The following DNAH5 variants were observed in gnomAD, a reference collection of about 807,000 sequenced individuals.
DNAH5 encodes axonemal beta dynein heavy chain 5.
Under a neutral mutation model 518.2 loss-of-function variants are expected in DNAH5, and 372 were observed. That is an observed-to-expected ratio of 0.72 (90% CI 0.66 to 0.78). The LOEUF (loss-of-function observed/expected upper bound fraction) is 0.78. DNAH5 is among the 30% of genes least tolerant of loss of function. DNAH5 has a pLI of 0.00. For synonymous variants in DNAH5, 2,039 were observed against 2,025.9 expected, an observed-to-expected ratio of 1.01 and a Z score of -0.17; for missense variants, 5,523 against 5,687.0, an observed-to-expected ratio of 0.97 and a Z score of 0.93.
At chr5:13,728,649 A>C (rs1746092167) in intron 69 of DNAH5, among the ~76,000 whole-genome samples, 1 of 152,192 alleles carries the variant, frequency 6.6e-6, no homozygotes, top group African/African-American at 2.4e-5. Flanking sequence ...ACCAGTGATA[A>C]GCCAAAACAT....
At chr5:13,822,619 A>G (rs1381887579) in intron 40 of DNAH5, among the ~76,000 whole-genome samples, 1 of 152,204 alleles carries the variant, frequency 6.6e-6, no homozygotes, top group African/African-American at 2.4e-5. Context: ...GCTAATCACC[A>G]CTTCTATAAA....
Position 13,829,578 on chromosome 5 carries a change from C to T in DNAH5, c.6376G>A (p.Asp2126Asn). The T allele has an allele frequency of 6.2e-7, 1 of 1,614,150 alleles. No homozygotes were observed. Among genetic ancestry groups the T allele is most frequent in the South Asian group, 1.1e-5 (1 of 91,072 alleles). ...AACTTCCTGGCCAAAACAACGTTGTCAATGAAGCCACAACTAGCCAACTTC... is the reference window on the plus strand; with the variant it reads ...AACTTCCTGGCCAAAACAACGTTGTTAATGAAGCCACAACTAGCCAACTTC... Reference protein sequence around the residue: ...RVKLASCGFIDNVVLARKFFT... With the variant: ...RVKLASCGFINNVVLARKFFT... Residue 2126 changes from aspartate to asparagine, a missense_variant, in exon 38 of 79, where the codon GAC (aspartate) becomes AAC (asparagine). By Grantham distance (23) the Asp-to-Asn change is conservative. Coordinates refer to ENST00000265104, the MANE Select transcript of DNAH5 (RefSeq NM_001369.3).
In DNAH5 at chr5:13,794,174, A is replaced by G; in HGVS notation, c.7888-116T>C. ...TGAACTGATATGAATTATTTCTAAA[A>G]AGCCAAATTTCCCCCTTAATTCTAA... On this transcript the variant is annotated intron_variant, in intron 47 of 78. Coordinates refer to ENST00000265104, the MANE Select transcript of DNAH5 (RefSeq NM_001369.3). The G allele has an allele frequency of 2.2e-6, 3 of 1,337,198 alleles. No individual in the cohort carries two copies. The South Asian group carries it at 3.9e-5, about 17-fold the overall frequency. The allele number at this position is 1,337,198 out of a possible 1,614,324, so 82.8% of individuals were successfully genotyped here.
chr5:13,802,147 T>C (rs1489489906), intron 47 of DNAH5, among the ~76,000 whole-genome samples: 1 of 152,202 alleles, frequency 6.6e-6, no homozygotes, highest in African/African-American at 2.4e-5. Flanking sequence ...ATCACTTTAC[T>C]CTGAAATTGG....
intron 12 of DNAH5, among the ~76,000 whole-genome samples, chr5:13,911,076 A>C (rs1435304250): frequency 6.6e-6 from 1 of 152,226 alleles, no homozygotes; most frequent in Non-Finnish European, 1.5e-5. Context: ...AAACGGAAAT[A>C]AGAGTCTACA....
intron 35 of DNAH5, among the ~76,000 whole-genome samples, chr5:13,833,018 T>C (rs954607675): frequency 6.6e-6 from 1 of 151,856 alleles, no homozygotes; most frequent in Non-Finnish European, 1.5e-5. Flanking sequence ...CAATGGTACG[T>C]GCATCAGCAG....
intron 1 of DNAH5, among the ~76,000 whole-genome samples, chr5:13,968,297 C>T (rs77662420): frequency 0.04 from 6,110 of 152,020 alleles, 143 homozygotes; most frequent in African/African-American, 0.058. Flanking sequence ...ATTTGGATGC[C>T]CTTTCTTTCT....
At chr5:13,911,668 G>A (rs1483601581) in intron 11 of DNAH5, among the ~76,000 whole-genome samples, 175 bp from the exon 12 acceptor site, 1 of 151,972 alleles carries the variant, frequency 6.6e-6, no homozygotes, top group Non-Finnish European at 1.5e-5. Context: ...GGCAGTATAA[G>A]GTTGCCCTAC....
At position 13,981,171 on chromosome 5, in the gene DNAH5, T is replaced by C. The variant is rs547258633; in HGVS notation, c.12+30477A>G. On this transcript the variant is annotated intron_variant, in intron 1 of 78. Transcript: ENST00000681290. Reference sequence around the variant, plus strand: ...GAGGGAAGGGTCTTGGTCTGTTGTGTCTGCGGCTGTATTCCCAGCACCCAG... The same window carrying C: ...GAGGGAAGGGTCTTGGTCTGTTGTGCCTGCGGCTGTATTCCCAGCACCCAG... Among the ~76,000 whole-genome samples the C allele has an allele frequency of 1.1e-4, 16 of 152,342 alleles. No homozygotes were observed. The East Asian group carries it at 3.1e-3, about 29-fold the overall frequency.
chr5:13,691,718 G>A lies in DNAH5; in HGVS notation c.*266C>T, dbSNP rs989424256. ...CGAAGTAAGAAGAAAATATACTACT[G>A]TGGATTTGAGGGCCACACTTCATTA... On this transcript the variant is annotated 3_prime_UTR_variant, in exon 79 of 79. Coordinates refer to ENST00000265104, the MANE Select transcript of DNAH5 (RefSeq NM_001369.3). 4.8e-5 allele frequency: 22 copies of A among 458,160 alleles called. No individual in the cohort carries two copies. Among genetic ancestry groups the A allele is most frequent in the South Asian group, 4.2e-4 (19 of 44,716 alleles). The allele number at this position is 458,160 out of a possible 1,614,324, so 28.4% of individuals were successfully genotyped here.
At chr5:13,802,539 C>T (rs1758917518) in intron 47 of DNAH5, among the ~76,000 whole-genome samples, 1 of 152,222 alleles carries the variant, frequency 6.6e-6, no homozygotes, top group Non-Finnish European at 1.5e-5. Context: ...CTCCACAGTA[C>T]AGCATTGAGA....
At chr5:13,811,500 T>C in intron 44 of DNAH5, 147 bp downstream of exon 44, 1 of 716,336 alleles carries the variant, frequency 1.4e-6, no homozygotes, top group Non-Finnish European at 2.3e-6. Flanking sequence ...ATATTCCCCC[T>C]CCCCAACAGC....
chr5:13,750,907 G>T (rs1363266743), intron 65 of DNAH5, among the ~76,000 whole-genome samples, 171 bp downstream of exon 65: 2 of 152,120 alleles, frequency 1.3e-5, no homozygotes, highest in Non-Finnish European at 2.9e-5. Flanking sequence ...TAGATGACTG[G>T]TTAATAATTT....
intron 75 of DNAH5, among the ~76,000 whole-genome samples, chr5:13,714,116 C>T (rs1425742306): frequency 2.6e-5 from 4 of 152,032 alleles, no homozygotes; most frequent in Non-Finnish European, 4.4e-5. Context: ...ATGTAAAGTA[C>T]CTCAGGGAAG....
At chr5:13,782,221 G>A (rs1755271437) in intron 52 of DNAH5, among the ~76,000 whole-genome samples, 1 of 152,178 alleles carries the variant, frequency 6.6e-6, no homozygotes, top group African/African-American at 2.4e-5. Flanking sequence ...AGCCAGGGAA[G>A]CTTCCTGAAG....
At chr5:13,765,888 C>CT in intron 59 of DNAH5, 88 bp downstream of exon 59, 2 of 1,338,712 alleles carry the variant, frequency 1.5e-6, no homozygotes, top group South Asian at 2.4e-5. Flanking sequence ...AGAGTAAGTT[C>CT]TTTTTTTAGA....
chr5:13,780,785 T>G (rs1561240425), intron 53 of DNAH5, 44 bp downstream of exon 53: 8 of 1,610,946 alleles, frequency 5.0e-6, no homozygotes, highest in Non-Finnish European at 6.8e-6. Flanking sequence ...TGAGCACCTT[T>G]TATCAAAATC....
At chr5:13,769,244 GTTGT>G in intron 57 of DNAH5, 108 bp from the exon 58 acceptor site, 18 of 879,204 alleles carry the variant, frequency 2.0e-5, no homozygotes, top group South Asian at 3.5e-5. Flanking sequence ...ACCCAGTTTT[GTTGT>G]TTTTTTTTTT....
chr5:13,892,095 C>T (rs964174655), intron 16 of DNAH5, among the ~76,000 whole-genome samples: 1 of 119,974 alleles, frequency 8.3e-6, no homozygotes, highest in African/African-American at 3.2e-5. Context: ...AGAATAAAAG[C>T]CTAAAAGTTT....
Sources: allele counts gnomAD v4.1 joint callset (sites outside exome capture counted in the v4.1 genomes callset), GRCh38; gene constraint gnomAD v4.1.1; transcripts MANE v1.5; gene names NCBI Gene and HGNC (gene_info 2026-07-23, HGNC 2026-07-21).